RACGAP1: variants seen among roughly 807,000 people sequenced by gnomAD.
RACGAP1 encodes the protein rac GTPase-activating protein 1.
Under a neutral mutation model 78.1 loss-of-function variants are expected in RACGAP1, and 30 were observed. The ratio of observed to expected loss-of-function variants is 0.38; its 90% CI spans 0.29 to 0.52. RACGAP1 has a LOEUF of 0.52. RACGAP1 is among the 20% of genes least tolerant of loss of function. The pLI is 0.82. For synonymous variants in RACGAP1, 231 were observed against 264.8 expected (o/e 0.87, Z 1.24); for missense variants, 587 against 777.1 (o/e 0.76, Z 2.91).
chr12:50,007,664 T>C (rs1423922016), intron 2 of RACGAP1, among the ~76,000 whole-genome samples: 1 of 152,206 alleles, frequency 6.6e-6, no homozygotes, highest in Non-Finnish European at 1.5e-5. Context: ...TAGTCCTTTT[T>C]AAACAATTTT....
chr12:49,994,613 A>G (rs542520273), intron 10 of RACGAP1, 104 bp from the exon 11 acceptor site: 1 of 1,464,810 alleles, frequency 6.8e-7, no homozygotes, highest in African/African-American at 1.4e-5. Flanking sequence ...AAACTGGGAC[A>G]TCATGTCTAC....
chr12:50,018,631 A>G, intron 1 of RACGAP1: 2 of 1,109,928 alleles, frequency 1.8e-6, no homozygotes, highest in Non-Finnish European at 2.4e-6. Flanking sequence ...GTTTTAATAT[A>G]AGGTATTACT....
At chr12:50,029,093 G>A (rs1408654346), upstream of RACGAP1, among the ~76,000 whole-genome samples, 1 of 152,024 alleles carries the variant, frequency 6.6e-6, no homozygotes, top group African/African-American at 2.4e-5. Context: ...GCGTGCGCCT[G>A]TAGTCCCAGC....
In RACGAP1 at chr12:49,992,757, G is replaced by T. The variant is rs577335546; in HGVS notation, c.1340-102C>A. ...AGTCTCATCTATACAGTAAGCTTCTGAAACTCCTGATTAGTTCATGACTAC... is the reference window on the plus strand; with the variant it reads ...AGTCTCATCTATACAGTAAGCTTCTTAAACTCCTGATTAGTTCATGACTAC... On this transcript the variant is annotated intron_variant, in intron 12 of 16. Transcript: ENST00000312377. 114 of 781,058 alleles carry T rather than the reference G, an allele frequency of 1.5e-4. No homozygotes were observed. The African/African-American group carries it at 1.8e-3, about 12-fold the overall frequency. 48.4% of individuals were successfully genotyped at this position (781,058 alleles called of 1,614,324 possible).
In RACGAP1 at chr12:49,990,231, GT is replaced by G. The variant is rs763729506; in HGVS notation, c.*36del. ...GAGTACAGATGTGTCCTTTCTTATAGTCAGTCAATGCTGGGAAGTAACAGGC... is the reference window on the plus strand; with the variant it reads ...GAGTACAGATGTGTCCTTTCTTATAGCAGTCAATGCTGGGAAGTAACAGGC... On this transcript the variant is annotated 3_prime_UTR_variant, in exon 17 of 17. Coordinates refer to ENST00000312377, the MANE Select transcript of RACGAP1 (RefSeq NM_001319999.2). 7.7e-6 allele frequency: 12 copies of G among 1,549,924 alleles called. No homozygotes were observed. The African/African-American group carries it at 1.6e-4, about 21-fold the overall frequency.
At chr12:50,021,136 AT>A in intron 1 of RACGAP1, 5 of 980,918 alleles carry the variant, frequency 5.1e-6, no homozygotes, top group Non-Finnish European at 6.0e-6. Flanking sequence ...ATACTTGTTT[AT>A]TTCCCCCCAT....
chr12:50,025,550 T>G (rs953832940), upstream of RACGAP1: 3 of 985,260 alleles, frequency 3.0e-6, no homozygotes, highest in South Asian at 4.7e-5. Flanking sequence ...CTCTACGGTG[T>G]GACGTACGCG....
intron 1 of RACGAP1, 106 bp from the exon 2 acceptor site, chr12:50,016,825 A>G: frequency 7.1e-7 from 1 of 1,405,882 alleles, no homozygotes; most frequent in Non-Finnish European, 9.5e-7. Flanking sequence ...TCTTCCATTT[A>G]TAACTACCAT....
rs776190539 is a variant in RACGAP1 at position 50,005,391 on chromosome 12, TC to T, written c.289del (p.Glu97AsnfsTer6). ...QRAEADCEKL[E>X]RQIQLIREML... is the part of the protein sequence containing the mutation. ...CTCTCGAATCAGCTGAATCTGTCGT[TC>T]CTACAGACCAAAGCAAAGTAAAACA... is the stretch of plus-strand genomic sequence containing the variant. On this transcript the variant is annotated frameshift_variant and splice_region_variant, in exon 4 of 17. Coordinates refer to ENST00000312377, the MANE Select transcript of RACGAP1 (RefSeq NM_001319999.2). LOFTEE classifies it high-confidence loss of function. 6.2e-7 allele frequency: 1 copy of T among 1,614,086 alleles called. No homozygotes were observed. Among genetic ancestry groups the T allele is most frequent in the East Asian group, 2.2e-5 (1 of 44,886 alleles).
At chr12:50,032,696 A>G (rs1482597742) in intron 1 of RACGAP1, among the ~76,000 whole-genome samples, 1 of 152,214 alleles carries the variant, frequency 6.6e-6, no homozygotes, top group Admixed American at 6.5e-5. Context: ...AGCTGGTGCC[A>G]GAAAGCTTGG....
chr12:50,006,666 A>C, intron 2 of RACGAP1, 30 bp from the exon 3 acceptor site: 2 of 1,600,790 alleles, frequency 1.2e-6, no homozygotes, highest in South Asian at 1.1e-5. Flanking sequence ...TTAATAATTC[A>C]AGCACCAAAC....
At chr12:50,019,386 C>T (rs1382533991) in intron 1 of RACGAP1, among the ~76,000 whole-genome samples, 6 of 152,116 alleles carry the variant, frequency 3.9e-5, no homozygotes, top group African/African-American at 1.2e-4. Flanking sequence ...CTATATTACA[C>T]ACACAAGCAT....
exon 2 of RACGAP1, chr12:50,031,832 G>T: frequency 2.5e-6 from 2 of 790,834 alleles, no homozygotes; most frequent in Non-Finnish European, 3.1e-6. Context: ...CTGTTACACG[G>T]CCTTTCACAG....
chr12:50,004,589 G>A (rs577776175), intron 4 of RACGAP1, among the ~76,000 whole-genome samples: 57 of 152,244 alleles, frequency 3.7e-4, no homozygotes, highest in African/African-American at 1.3e-3. Context: ...ATTCTCTACC[G>A]AGTTTGTATT....
intron 1 of RACGAP1, 114 bp downstream of exon 1, chr12:50,025,284 C>T: frequency 1.0e-6 from 1 of 983,700 alleles, no homozygotes; most frequent in Non-Finnish European, 1.2e-6. Context: ...CCAGCCTGTC[C>T]CGCTGTCCCG....
intron 1 of RACGAP1, among the ~76,000 whole-genome samples, chr12:50,017,822 G>C (rs1325267117): frequency 6.6e-6 from 1 of 152,118 alleles, no homozygotes; most frequent in Non-Finnish European, 1.5e-5. Flanking sequence ...CAAGCTATGA[G>C]AGCAAGAAAA....
intron 6 of RACGAP1, 98 bp from the exon 7 acceptor site, chr12:50,001,350 G>T: frequency 1.1e-6 from 1 of 879,212 alleles, no homozygotes; most frequent in Non-Finnish European, 1.8e-6. Context: ...CAGGTCCTGG[G>T]GATTAGGGCT....
At chr12:49,990,652 T>G in intron 16 of RACGAP1, 32 bp downstream of exon 16, 1 of 1,515,344 alleles carries the variant, frequency 6.6e-7, no homozygotes, top group Non-Finnish European at 9.1e-7. Flanking sequence ...AGTAGTTGTT[T>G]TTTATTTCCT....
chr12:50,014,280 TA>T (rs1949523628), intron 2 of RACGAP1, among the ~76,000 whole-genome samples: 1 of 152,264 alleles, frequency 6.6e-6, no homozygotes, highest in Non-Finnish European at 1.5e-5. Context: ...GAAGCTGGTA[TA>T]GAATAATTCC....
Sources: allele counts gnomAD v4.1 joint callset (sites outside exome capture counted in the v4.1 genomes callset), GRCh38; gene constraint gnomAD v4.1.1; transcripts MANE v1.5; gene names NCBI Gene and HGNC (gene_info 2026-07-23, HGNC 2026-07-21).